The following RNF17 variants were observed in gnomAD, a reference collection of about 807,000 sequenced individuals.
RNF17 encodes the protein ring finger protein 17.
A neutral mutation model predicts 200.5 loss-of-function variants in RNF17; 31 were observed. The ratio of observed to expected loss-of-function variants is 0.15; its 90% CI spans 0.12 to 0.21. The LOEUF (loss-of-function observed/expected upper bound fraction) is 0.21, where lower values mean the gene tolerates loss of function less well. Ranked by LOEUF, RNF17 falls within the 10% of genes least tolerant of loss-of-function variation. The pLI, the probability that RNF17 is intolerant of heterozygous loss-of-function variation, is 1.00. For missense variants in RNF17, 1,628 were observed against 1,905.1 expected (o/e 0.85, Z 2.71); for synonymous variants, 606 against 637.8 (o/e 0.95, Z 0.75).
chr13:24,812,089 C>T (rs1210691796), intron 15 of RNF17, among the ~76,000 whole-genome samples: 2 of 149,970 alleles, frequency 1.3e-5, no homozygotes, highest in Non-Finnish European at 3.0e-5. Flanking sequence ...TTACTGCTGT[C>T]TTTTTGTTTG....
intron 6 of RNF17, among the ~76,000 whole-genome samples, chr13:24,786,698 T>C (rs1196924340): frequency 6.6e-6 from 1 of 152,204 alleles, no homozygotes; most frequent in Non-Finnish European, 1.5e-5. Flanking sequence ...AAATATACAT[T>C]GTCTTCGGGC....
At chr13:24,754,367 A>G in the RNF17 span, among the ~76,000 whole-genome samples, 13 of 152,126 alleles carry the variant, frequency 8.5e-5, no homozygotes, top group African/African-American at 2.9e-4. Flanking sequence ...CAGGTCTCAC[A>G]TGTAAAGCAT....
chr13:24,847,879 T>C (rs1891431389), intron 22 of RNF17, among the ~76,000 whole-genome samples: 1 of 152,204 alleles, frequency 6.6e-6, no homozygotes, highest in Non-Finnish European at 1.5e-5. Flanking sequence ...AGTTTTCACT[T>C]TGACATTAAA....
intron 16 of RNF17, 114 bp from the exon 17 acceptor site, chr13:24,830,370 A>C (rs1293557812): frequency 8.1e-6 from 5 of 616,700 alleles, no homozygotes; most frequent in Non-Finnish European, 1.2e-5. Flanking sequence ...AAAAGTATTA[A>C]GTTTGTATAT....
the RNF17 span, among the ~76,000 whole-genome samples, chr13:24,887,813 A>G: frequency 2.6e-5 from 4 of 152,196 alleles, no homozygotes; most frequent in East Asian, 1.9e-4. Context: ...CTGCTAAGGT[A>G]TACTACCAAA....
Position 24,826,172 on chromosome 13 carries a change from A to G in RNF17, c.2245+400A>G, listed in dbSNP as rs1264996965. On this transcript the variant is annotated intron_variant, in intron 16 of 35. Transcript: ENST00000255324. ...TTTAATATATTCTTCTTTCCTGGGA[A>G]TTATTGACTGAACTGCTAGTTTTCT... is the stretch of plus-strand genomic sequence containing the variant. 7.5e-6 allele frequency: 6 copies of G among 796,468 alleles called. No individual in the cohort carries two copies. The East Asian group carries it at 6.3e-4, about 84-fold the overall frequency. 49.3% of individuals were successfully genotyped at this position (796,468 alleles called of 1,614,324 possible).
At chr13:24,844,873 A>G in intron 21 of RNF17, 71 bp downstream of exon 21, 1 of 1,568,852 alleles carries the variant, frequency 6.4e-7, no homozygotes, top group East Asian at 2.2e-5. Flanking sequence ...CCCTGGAGTT[A>G]AAACAGTTTT....
chr13:24,862,768 A>G lies in RNF17; in HGVS notation c.3950A>G (p.Lys1317Arg). The G allele has an allele frequency of 6.2e-7, 1 of 1,604,634 alleles. No homozygotes were observed. Among genetic ancestry groups the G allele is most frequent in the South Asian group, 1.1e-5 (1 of 90,808 alleles). The change falls in exon 28 of 36, where the codon AAG (lysine) becomes AGG (arginine). Residue 1317 changes from lysine to arginine, a missense_variant. By Grantham distance (26) the Lys-to-Arg change is conservative. This residue lies in a region of RNF17 where 609 missense variants were observed against 681.9 expected (regional missense o/e 0.89). Transcript: ENST00000255324. ...AIEVLQQLLS[K>R]RQVDIHIMEL... ...GAAGTTCTTCAACAACTGCTTTCAA[A>G]GAGACAGGTGGACATTCACATTATG...
rs199929549 is a variant in RNF17, at chr13:24,811,137, G to A, written c.2091+6708G>A. Among the ~76,000 whole-genome samples the A allele has an allele frequency of 5.4e-3, 817 of 150,568 alleles. 24 individuals carry two copies. In the East Asian group the frequency reaches 0.081, roughly 15 times the overall value. ...TATGTGTCTTGGAGTTGCTCTTCTCGAGGAGTATCTTTGTGGCGTTCTCTG... is the reference window on the plus strand; with the variant it reads ...TATGTGTCTTGGAGTTGCTCTTCTCAAGGAGTATCTTTGTGGCGTTCTCTG... On this transcript the variant is annotated intron_variant, in intron 15 of 35. Coordinates refer to ENST00000255324, the MANE Select transcript of RNF17 (RefSeq NM_031277.3).
rs1288000218 is a variant in RNF17, at chr13:24,847,418, T to C, written c.3101+2339T>C. Among the ~76,000 whole-genome samples, 7 of 151,702 alleles carry C rather than the reference T, an allele frequency of 4.6e-5. 1 individual carries two copies. Among genetic ancestry groups the C allele is most frequent in the Admixed American group, 4.6e-4 (7 of 15,218 alleles). On this transcript the variant is annotated intron_variant, in intron 22 of 35. Coordinates refer to ENST00000255324, the MANE Select transcript of RNF17 (RefSeq NM_031277.3). ...TGGAGTGCAGTGGCGTCATCTCAGCTCACCGCAACCTTTGCCTCCCAGATT... is the reference window on the plus strand; with the variant it reads ...TGGAGTGCAGTGGCGTCATCTCAGCCCACCGCAACCTTTGCCTCCCAGATT...
the RNF17 span, among the ~76,000 whole-genome samples, chr13:24,749,303 C>CTTTCTTT: frequency 3.1e-5 from 1 of 31,972 alleles, no homozygotes; most frequent in South Asian, 1.3e-3. Flanking sequence ...TTCTTTCTTT[C>CTTTCTTT]TTTCTTTTTT....
At chr13:24,859,624 A>T (rs535887142) in intron 26 of RNF17, among the ~76,000 whole-genome samples, 2 of 152,040 alleles carry the variant, frequency 1.3e-5, no homozygotes, top group African/African-American at 4.8e-5. Context: ...TATATATAAA[A>T]TATAGATGAA....
Position 24,786,143 on chromosome 13 carries a change from G to A in RNF17, c.612-1845G>A, listed in dbSNP as rs560254659. 3.9e-5 allele frequency among the ~76,000 whole-genome samples: 6 copies of A among 151,910 alleles called. No individual in the cohort carries two copies. In the South Asian group the frequency reaches 1.0e-3, roughly 26 times the overall value. On this transcript the variant is annotated intron_variant, in intron 6 of 35. Coordinates refer to ENST00000255324, the MANE Select transcript of RNF17 (RefSeq NM_031277.3). ...GTTTACTTGATTTTTTTCTTTTGTA[G>A]TCACAAATTTTGATTCCTTTCTCAT...
At chr13:24,764,451 A>G (rs1879258765) in intron 1 of RNF17, 118 bp downstream of exon 1, 4 of 1,355,126 alleles carry the variant, frequency 3.0e-6, no homozygotes, top group Non-Finnish European at 3.9e-6. Context: ...TGTCACCAGA[A>G]ACTGCGTCAC....
chr13:24,878,409 G>A (rs1895088463), intron 34 of RNF17, among the ~76,000 whole-genome samples: 1 of 152,198 alleles, frequency 6.6e-6, no homozygotes, highest in Admixed American at 6.5e-5. Flanking sequence ...GGATATATGA[G>A]AGGATTTATT....
intron 18 of RNF17, among the ~76,000 whole-genome samples, chr13:24,840,174 G>C (rs1380953339): frequency 1.3e-5 from 2 of 152,124 alleles, no homozygotes; most frequent in African/African-American, 4.8e-5. Flanking sequence ...ACTACAATGC[G>C]ATGCCACCTC....
chr13:24,858,025 GTGCAAATGC>G (rs1032815370), intron 25 of RNF17, among the ~76,000 whole-genome samples: 5 of 145,056 alleles, frequency 3.4e-5, no homozygotes, highest in African/African-American at 1.2e-4. Flanking sequence ...TTAGGCTTAT[GTGCAAATGC>G]TGCAAATGCT....
At chr13:24,779,581 C>G in intron 4 of RNF17, 86 bp from the exon 5 acceptor site, 1 of 1,009,338 alleles carries the variant, frequency 9.9e-7, no homozygotes, top group South Asian at 1.5e-5. Flanking sequence ...AAACGGTAGC[C>G]TGAATTTTTT....
intron 26 of RNF17, among the ~76,000 whole-genome samples, chr13:24,859,749 G>A (rs2138302196): frequency 6.6e-6 from 1 of 152,152 alleles, no homozygotes; most frequent in African/African-American, 2.4e-5. Flanking sequence ...AAACTTAAGT[G>A]AAAAAGTCTT....
Sources: allele counts gnomAD v4.1 joint callset (sites outside exome capture counted in the v4.1 genomes callset), GRCh38; gene constraint gnomAD v4.1.1; regional missense constraint gnomAD v4.1.1; transcripts MANE v1.5; gene names NCBI Gene and HGNC (gene_info 2026-07-23, HGNC 2026-07-21).